SLC16A9: variants seen among roughly 807,000 people sequenced by gnomAD.
SLC16A9 encodes solute carrier family 16 member 9, also known as monocarboxylate transporter 9.
A neutral mutation model predicts 44.3 loss-of-function variants in SLC16A9; 26 were observed. The ratio of observed to expected loss-of-function variants is 0.59; its 90% CI spans 0.43 to 0.81. SLC16A9 has a LOEUF of 0.81. Ranked by LOEUF, SLC16A9 falls within the 40% of genes least tolerant of loss-of-function variation. SLC16A9 has a pLI of 0.00. For synonymous variants in SLC16A9, 230 were observed against 225.1 expected, an observed-to-expected ratio of 1.02 and a Z score of -0.19; for missense variants, 559 against 595.8, an observed-to-expected ratio of 0.94 and a Z score of 0.64.
At chr10:59,706,630 T>TACACACACACAC (rs60450481) in intron 1 of SLC16A9, among the ~76,000 whole-genome samples, 9,661 of 145,850 alleles carry the variant, frequency 0.066, 394 homozygotes, top group East Asian at 0.23. Flanking sequence ...AGAAATGTGA[T>TACACACACACAC]ACACACACAC....
In SLC16A9 at chr10:59,654,204, T is replaced by C; in HGVS notation, c.822A>G (p.Glu274=). The change falls in exon 5 of 6, where the codon GAA becomes GAG. Residue 274 remains glutamate (E), a synonymous_variant. Coordinates refer to ENST00000395348, the MANE Select transcript of SLC16A9 (RefSeq NM_194298.3). The stretch of plus-strand genomic sequence containing the variant: ...CAAGCTGTTTGCAAAAATATGTCTG[T>C]TCTGCAACTTTCTTTTTGTACGTTT... ...EPETYKKKVA[E]QTYFCKQLAK... The C allele has an allele frequency of 6.2e-7, 1 of 1,614,170 alleles. No homozygotes were observed. Among genetic ancestry groups the C allele is most frequent in the South Asian group, 1.1e-5 (1 of 91,082 alleles).
At chr10:59,694,058 C>T (rs1009291701) in intron 1 of SLC16A9, among the ~76,000 whole-genome samples, 35 of 152,106 alleles carry the variant, frequency 2.3e-4, no homozygotes, top group African/African-American at 7.2e-4. Context: ...CTGCCTCAGC[C>T]TCCGGAGTAG....
At chr10:59,706,630 T>TACACACACACACACACACAC (rs60450481) in intron 1 of SLC16A9, among the ~76,000 whole-genome samples, 8,982 of 145,866 alleles carry the variant, frequency 0.062, 325 homozygotes, top group African/African-American at 0.078. Flanking sequence ...AGAAATGTGA[T>TACACACACACACACACACAC]ACACACACAC....
At chr10:59,682,828 C>CAAAT (rs1423575027) in intron 2 of SLC16A9, among the ~76,000 whole-genome samples, 1 of 151,820 alleles carries the variant, frequency 6.6e-6, no homozygotes, top group Non-Finnish European at 1.5e-5. Context: ...AACTATGAAA[C>CAAAT]AAATCTAGGG....
chr10:59,701,702 G>A (rs1840526936), intron 1 of SLC16A9, among the ~76,000 whole-genome samples: 1 of 152,100 alleles, frequency 6.6e-6, no homozygotes, highest in South Asian at 2.1e-4. Flanking sequence ...GTAATGCTAG[G>A]ATGTCCAACA....
chr10:59,708,106 T>C (rs964949269), intron 1 of SLC16A9, among the ~76,000 whole-genome samples: 2 of 152,206 alleles, frequency 1.3e-5, no homozygotes, highest in Non-Finnish European at 1.5e-5. Flanking sequence ...TTAAATTATT[T>C]TATCTAATTC....
In SLC16A9 at chr10:59,663,255, G is replaced by A. The variant is rs1839524302; in HGVS notation, c.436+972C>T. 2.6e-5 allele frequency among the ~76,000 whole-genome samples: 4 copies of A among 152,048 alleles called. No individual in the cohort carries two copies. In the South Asian group the frequency reaches 8.3e-4, roughly 32 times the overall value. On this transcript the variant is annotated intron_variant, in intron 4 of 5. Coordinates refer to ENST00000395348, the MANE Select transcript of SLC16A9 (RefSeq NM_194298.3). ...ACATGCCTATAATTCCAGCTACTCG[G>A]GAGGCTGAGACAGGAGAATCACTTG...
At chr10:59,698,049 T>C (rs1160461692) in intron 1 of SLC16A9, among the ~76,000 whole-genome samples, 2 of 151,944 alleles carry the variant, frequency 1.3e-5, no homozygotes, top group Non-Finnish European at 2.9e-5. Context: ...TTTTTTCTGG[T>C]ATTGAAGAAT....
At chr10:59,655,580 G>A (rs1839332220) in intron 4 of SLC16A9, among the ~76,000 whole-genome samples, 1 of 152,026 alleles carries the variant, frequency 6.6e-6, no homozygotes. Flanking sequence ...AAAGTATGCT[G>A]GTTTATACAT....
chr10:59,694,283 C>G (rs1174167122), intron 1 of SLC16A9, among the ~76,000 whole-genome samples: 6 of 152,014 alleles, frequency 3.9e-5, no homozygotes, highest in Admixed American at 1.3e-4. Flanking sequence ...GTTGTGGTGG[C>G]CTTGATCAGA....
chr10:59,695,075 T>C (rs1020437474), intron 1 of SLC16A9, among the ~76,000 whole-genome samples: 2 of 151,942 alleles, frequency 1.3e-5, no homozygotes, highest in African/African-American at 4.8e-5. Flanking sequence ...CATTGTATGA[T>C]TCCACTTATG....
At chr10:59,658,057 A>G (rs1839388446) in intron 4 of SLC16A9, among the ~76,000 whole-genome samples, 1 of 152,156 alleles carries the variant, frequency 6.6e-6, no homozygotes, top group African/African-American at 2.4e-5. Context: ...ATTCCCTTCT[A>G]TTGATTCTAT....
intron 1 of SLC16A9, among the ~76,000 whole-genome samples, chr10:59,704,857 A>G (rs1045233146): frequency 2.0e-5 from 3 of 152,250 alleles, no homozygotes. Context: ...TGATCATGTG[A>G]TGTTTGATCT....
chr10:59,685,776 T>G (rs1402968934), intron 1 of SLC16A9, among the ~76,000 whole-genome samples: 1 of 152,228 alleles, frequency 6.6e-6, no homozygotes, highest in Non-Finnish European at 1.5e-5. Flanking sequence ...GAATATACAT[T>G]TGTAATTGTA....
At position 59,673,507 on chromosome 10, in the gene SLC16A9, T is replaced by C. The variant is rs2132454715; in HGVS notation, c.197-594A>G. 2.0e-5 allele frequency among the ~76,000 whole-genome samples: 3 copies of C among 152,360 alleles called. No homozygotes were observed. The South Asian group carries it at 6.2e-4, about 32-fold the overall frequency. On this transcript the variant is annotated intron_variant, in intron 2 of 5. Coordinates refer to ENST00000395348, the MANE Select transcript of SLC16A9 (RefSeq NM_194298.3). ...GGTTATTTAGCCCAACAGTCTCATTTAACATGGAAGGAAACTGAAGCTCAA... is the reference window on the plus strand; with the variant it reads ...GGTTATTTAGCCCAACAGTCTCATTCAACATGGAAGGAAACTGAAGCTCAA...
At chr10:59,702,455 T>G (rs1190765970) in intron 1 of SLC16A9, among the ~76,000 whole-genome samples, 1 of 152,154 alleles carries the variant, frequency 6.6e-6, no homozygotes, top group Admixed American at 6.5e-5. Context: ...CAAGGGCAAA[T>G]CGTGGCTCAA....
At chr10:59,661,837 T>A (rs563337324) in intron 4 of SLC16A9, among the ~76,000 whole-genome samples, 1 of 151,404 alleles carries the variant, frequency 6.6e-6, no homozygotes, top group South Asian at 2.1e-4. Context: ...ACCACACATA[T>A]ACAACCATCT....
intron 3 of SLC16A9, among the ~76,000 whole-genome samples, chr10:59,671,379 A>G (rs916250914): frequency 2.0e-5 from 3 of 152,192 alleles, no homozygotes; most frequent in Non-Finnish European, 4.4e-5. Flanking sequence ...AGAGAGAACT[A>G]TGCCATCTAT....
chr10:59,671,654 T>C (rs1839753053), intron 3 of SLC16A9, among the ~76,000 whole-genome samples: 1 of 152,136 alleles, frequency 6.6e-6, no homozygotes, highest in Non-Finnish European at 1.5e-5. Context: ...TACAACGCCA[T>C]CATAGTGAGG....
Sources: allele counts gnomAD v4.1 joint callset (sites outside exome capture counted in the v4.1 genomes callset), GRCh38; gene constraint gnomAD v4.1.1; transcripts MANE v1.5; gene names NCBI Gene and HGNC (gene_info 2026-07-23, HGNC 2026-07-21).